TAFA2: variants seen among roughly 807,000 people sequenced by gnomAD.
The protein encoded by TAFA2 is chemokine-like protein TAFA-2.
In TAFA2, 7 loss-of-function variants were observed where a neutral mutation model predicts 18.8. The observed-to-expected ratio is 0.37, with a 90% CI of 0.21 to 0.70. The LOEUF is 0.70. TAFA2 is among the 30% of genes least tolerant of loss of function. The pLI is 0.53. For missense variants in TAFA2, 122 were observed against 158.1 expected (o/e 0.77, Z 1.23); for synonymous variants, 60 against 54.2 (o/e 1.11, Z -0.47).
chr12:62,229,286 T>C (rs535121097), intron 1 of TAFA2, among the ~76,000 whole-genome samples: 1 of 152,288 alleles, frequency 6.6e-6, no homozygotes, highest in South Asian at 2.1e-4. Flanking sequence ...GGCCTTTTTG[T>C]CTTTTTCCAG....
At chr12:61,834,194 C>T (rs138841675) in intron 2 of TAFA2, among the ~76,000 whole-genome samples, 202 of 152,170 alleles carry the variant, frequency 1.3e-3, no homozygotes, top group African/African-American at 4.0e-3. Context: ...TTAGACATAG[C>T]TTCTGCCCCA....
chr12:61,741,455 A>G (rs1274176450), intron 4 of TAFA2, among the ~76,000 whole-genome samples: 1 of 152,132 alleles, frequency 6.6e-6, no homozygotes, highest in African/African-American at 2.4e-5. Flanking sequence ...TAAAGGCAAG[A>G]AAAAAATTCA....
chr12:62,157,438 T>C (rs899107197), intron 1 of TAFA2, among the ~76,000 whole-genome samples: 10 of 152,204 alleles, frequency 6.6e-5, no homozygotes, highest in Admixed American at 2.6e-4. Flanking sequence ...TGAACATGCA[T>C]GGTGTCAGAG....
At chr12:62,151,720 A>G (rs2062329714) in intron 1 of TAFA2, among the ~76,000 whole-genome samples, 1 of 152,242 alleles carries the variant, frequency 6.6e-6, no homozygotes, top group Admixed American at 6.5e-5. Flanking sequence ...AGACTTGTGT[A>G]TCTTGTACAT....
At position 62,099,284 on chromosome 12, in the gene TAFA2, C is replaced by T. The variant is rs537712322; in HGVS notation, c.-2+91975G>A. Among the ~76,000 whole-genome samples the T allele has an allele frequency of 8.9e-4, 135 of 152,142 alleles. 1 individual carries two copies. The highest frequency in any genetic ancestry group is 3.1e-3 in the African/African-American group (130 of 41,514). On this transcript the variant is annotated intron_variant, in intron 1 of 4. Transcript: ENST00000416284. ...ATGAAAAAAAAAGTGAATTGTCTCC[C>T]AGCCCAGAACTATTATCCGTACTAT... is the stretch of plus-strand genomic sequence containing the variant.
chr12:61,840,094 C>G (rs772030012), intron 2 of TAFA2, among the ~76,000 whole-genome samples: 2 of 151,998 alleles, frequency 1.3e-5, no homozygotes, highest in Non-Finnish European at 2.9e-5. Flanking sequence ...CTAGGAGATA[C>G]GGTTGGAGCA....
At chr12:62,170,054 C>T (rs1404933004) in intron 1 of TAFA2, among the ~76,000 whole-genome samples, 2 of 151,918 alleles carry the variant, frequency 1.3e-5, no homozygotes, top group Non-Finnish European at 2.9e-5. Context: ...TATTGCTTTC[C>T]GAGTTCCTTA....
chr12:62,080,032 G>A (rs1274351715), intron 1 of TAFA2, among the ~76,000 whole-genome samples: 2 of 152,144 alleles, frequency 1.3e-5, no homozygotes, highest in Admixed American at 1.3e-4. Flanking sequence ...CTCATCCGGA[G>A]CTCAAGTGCT....
intron 2 of TAFA2, among the ~76,000 whole-genome samples, chr12:61,772,379 G>A (rs1218327100): frequency 6.6e-6 from 1 of 151,802 alleles, no homozygotes; most frequent in Non-Finnish European, 1.5e-5. Flanking sequence ...ATCATCCCAT[G>A]AAGCCAGTAT....
Position 61,866,827 on chromosome 12 carries a change from T to A in TAFA2, c.106+493A>T, listed in dbSNP as rs1429590944. Reference sequence around the variant, plus strand: ...TTGAGATACATATCATTACAGACACTTTCTTTACCAGGATAAGTGCAATCT... The same window carrying A: ...TTGAGATACATATCATTACAGACACATTCTTTACCAGGATAAGTGCAATCT... On this transcript the variant is annotated intron_variant, in intron 2 of 4. Transcript: ENST00000416284. 2.0e-5 allele frequency among the ~76,000 whole-genome samples: 3 copies of A among 152,294 alleles called. No homozygotes were observed. In the East Asian group the frequency reaches 5.8e-4, roughly 29 times the overall value.
chr12:61,804,377 C>T (rs78533428), intron 2 of TAFA2, among the ~76,000 whole-genome samples: 87 of 152,158 alleles, frequency 5.7e-4, no homozygotes, highest in African/African-American at 2.0e-3. Flanking sequence ...GTTTATGCTG[C>T]TTTCTCAGCA....
intron 1 of TAFA2, among the ~76,000 whole-genome samples, chr12:62,075,711 GT>G (rs1158216398): frequency 4.6e-5 from 7 of 152,086 alleles, no homozygotes; most frequent in African/African-American, 1.7e-4. Context: ...CATATATATT[GT>G]TTTATGGTCA....
intron 2 of TAFA2, among the ~76,000 whole-genome samples, chr12:61,823,344 T>C (rs1872399694): frequency 6.6e-6 from 1 of 151,998 alleles, no homozygotes; most frequent in African/African-American, 2.4e-5. Context: ...AGCCCTAACG[T>C]TTACTCTGTG....
intron 1 of TAFA2, among the ~76,000 whole-genome samples, chr12:61,934,154 CCATACAAACT>C (rs2121401739): frequency 6.6e-6 from 1 of 152,264 alleles, no homozygotes; most frequent in South Asian, 2.1e-4. Context: ...CCAAGTAAAT[CCATACAAACT>C]CACTATCCTG....
intron 1 of TAFA2, among the ~76,000 whole-genome samples, chr12:62,125,388 G>A (rs1459590151): frequency 6.6e-6 from 1 of 152,050 alleles, no homozygotes; most frequent in East Asian, 1.9e-4. Context: ...GCCCGGCTCT[G>A]CCCTAGTTTA....
rs561527372 is a variant in TAFA2, at chr12:61,931,227, T to C, written c.-1-63801A>G. On this transcript the variant is annotated intron_variant, in intron 1 of 4. Coordinates refer to ENST00000416284, the MANE Select transcript of TAFA2 (RefSeq NM_178539.5). Reference sequence around the variant, plus strand: ...ACTCTAATCCATTTCATGTGTTATCTTTCAGCACTCATAATTAATCTCTGC... The same window carrying C: ...ACTCTAATCCATTTCATGTGTTATCCTTCAGCACTCATAATTAATCTCTGC... Among the ~76,000 whole-genome samples, 6 of 152,336 alleles carry C rather than the reference T, an allele frequency of 3.9e-5. No homozygotes were observed. In the East Asian group the frequency reaches 1.2e-3, roughly 29 times the overall value.
rs56194828 is a variant in TAFA2, at chr12:62,210,185, C to CTAAATAAATAAA, written c.-130+48566_-130+48577dup. Among the ~76,000 whole-genome samples the CTAAATAAATAAA allele has an allele frequency of 8.7e-3, 1,255 of 144,414 alleles. 10 individuals are homozygous for CTAAATAAATAAA. The highest frequency in any genetic ancestry group is 0.012 in the Non-Finnish European group (824 of 65,932). The allele number at this position is 144,414 out of a possible 152,430, so 94.7% of individuals were successfully genotyped here. A position where few individuals can be genotyped will look rare whatever the true frequency, so the allele number is the denominator to read the frequency against. The stretch of plus-strand genomic sequence containing the variant: ...TGGGTGACAGAGTGAGACTCTGTCT[C>CTAAATAAATAAA]TAAATAAATAAATAAATAAATAAAT... On this transcript the variant is annotated intron_variant, in intron 1 of 5. Coordinates refer to the TAFA2 transcript ENST00000551619.
chr12:61,876,753 T>C (rs1320560389), intron 1 of TAFA2, among the ~76,000 whole-genome samples: 2 of 152,086 alleles, frequency 1.3e-5, no homozygotes, highest in African/African-American at 4.8e-5. Flanking sequence ...TGCTATTCTA[T>C]GTTCTCAAAA....
chr12:61,820,134 C>A (rs151235344), intron 2 of TAFA2, among the ~76,000 whole-genome samples: 2 of 152,108 alleles, frequency 1.3e-5, no homozygotes, highest in Non-Finnish European at 2.9e-5. Context: ...CAACAGTTAC[C>A]AATACTCCTC....
Sources: allele counts gnomAD v4.1 joint callset (sites outside exome capture counted in the v4.1 genomes callset), GRCh38; gene constraint gnomAD v4.1.1; transcripts MANE v1.5; gene names NCBI Gene and HGNC (gene_info 2026-07-23, HGNC 2026-07-21).